SYCE1: variants seen among roughly 807,000 people sequenced by gnomAD.
The protein encoded by SYCE1 is cancer/testis antigen 76.
In SYCE1, 37 loss-of-function variants were observed where a neutral mutation model predicts 55.1. The observed-to-expected ratio is 0.67, with a 90% confidence interval of 0.52 to 0.88. The LOEUF (loss-of-function observed/expected upper bound fraction) is 0.88, where lower values mean the gene tolerates loss of function less well. Among genes scored for constraint, SYCE1 ranks in the 40% least tolerant of loss-of-function variants. The probability of loss-of-function intolerance (pLI) is 0.00; values close to 1 mark genes in which losing one functional copy is unlikely to be tolerated. For synonymous variants in SYCE1, 163 were observed against 159.4 expected (o/e 1.02, Z -0.17); for missense variants, 399 against 416.4 (o/e 0.96, Z 0.36).
upstream of SYCE1, among the ~76,000 whole-genome samples, chr10:133,565,749 C>T (rs985120686): frequency 6.6e-6 from 1 of 152,276 alleles, no homozygotes; most frequent in Non-Finnish European, 1.5e-5. Flanking sequence ...GCCAGGGCCA[C>T]GTGCGGCCGT....
Position 133,555,973 on chromosome 10 carries a change from G to A in SYCE1, c.595+8C>T. On this transcript the variant is annotated splice_region_variant and intron_variant, in intron 9 of 12. Coordinates refer to ENST00000343131, the MANE Select transcript of SYCE1 (RefSeq NM_001143764.3). ...CAGATATGGGCCATCCACCTTCCCTGGTCTCACCTTCCTTGAGCAGCTGCT... is the reference window on the plus strand; with the variant it reads ...CAGATATGGGCCATCCACCTTCCCTAGTCTCACCTTCCTTGAGCAGCTGCT... 9.3e-6 allele frequency: 15 copies of A among 1,614,120 alleles called. No homozygotes were observed. Among genetic ancestry groups the A allele is most frequent in the African/African-American group, 1.3e-5 (1 of 75,052 alleles).
At chr10:133,568,154 C>A (rs942444764), upstream of SYCE1, 22 of 877,034 alleles carry the variant, frequency 2.5e-5, no homozygotes, top group Non-Finnish European at 3.8e-5. Flanking sequence ...GAGGCACAGG[C>A]CGCCCGTGGG....
In SYCE1 at chr10:133,554,921, G is replaced by A; in HGVS notation, c.*71C>T. 1 of 1,472,336 alleles carries A rather than the reference G, an allele frequency of 6.8e-7. No homozygotes were observed. The highest frequency in any genetic ancestry group is 9.0e-7 in the Non-Finnish European group (1 of 1,111,432). 91.2% of individuals were successfully genotyped at this position (1,472,336 alleles called of 1,614,324 possible). The stretch of plus-strand genomic sequence containing the variant: ...GACCAAGAGGCAGAGTCAAGCCAAG[G>A]CTTCAATCAGTCACAGGAGACTGGG... On this transcript the variant is annotated 3_prime_UTR_variant, in exon 13 of 13. Coordinates refer to ENST00000343131, the MANE Select transcript of SYCE1 (RefSeq NM_001143764.3).
Position 133,558,904 on chromosome 10 carries a change from C to G in SYCE1, c.244G>C (p.Glu82Gln), listed in dbSNP as rs1180668961. 1 of 1,613,162 alleles carries G rather than the reference C, an allele frequency of 6.2e-7. No individual in the cohort carries two copies. The highest frequency in any genetic ancestry group is 1.1e-5 in the South Asian group (1 of 90,876). ...KDLGEARTIC[E>Q]ALQKELDSLH... Reference sequence around the variant, plus strand: ...GAGTCCAGTTCCTTCTGCAGGGCCTCACAGATGGTCCGGGCCTCTCCTAGG... The same window carrying G: ...GAGTCCAGTTCCTTCTGCAGGGCCTGACAGATGGTCCGGGCCTCTCCTAGG... The change falls in exon 4 of 13, where the codon GAG becomes CAG. Residue 82 changes from glutamate (E) to glutamine (Q), a missense_variant. Transcript: ENST00000343131.
upstream of SYCE1, among the ~76,000 whole-genome samples, chr10:133,567,278 G>A (rs537200692): frequency 9.9e-5 from 15 of 151,794 alleles, no homozygotes; most frequent in African/African-American, 3.4e-4. Context: ...TGGGGCTAGG[G>A]CTTAGGGTTA....
upstream of SYCE1, chr10:133,565,608 A>C: frequency 1.4e-6 from 2 of 1,430,766 alleles, no homozygotes; most frequent in Non-Finnish European, 1.9e-6. Flanking sequence ...TGGGGGCAGG[A>C]CTCCAGGCAG....
chr10:133,558,157 C>G lies in SYCE1; in HGVS notation c.319+10G>C, dbSNP rs116399728. 1 of 1,614,054 alleles carries G rather than the reference C, an allele frequency of 6.2e-7. No individual in the cohort carries two copies. The highest frequency in any genetic ancestry group is 8.5e-7 in the Non-Finnish European group (1 of 1,179,974). On this transcript the variant is annotated intron_variant, in intron 5 of 12. Transcript: ENST00000343131. ...AGGCACAAGCCTGGAGACAGGGGAG[C>G]GGCAAATACCTTGTTTTTTGCTCAA... is the stretch of plus-strand genomic sequence containing the variant.
intron 6 of SYCE1, 194 bp from the exon 7 acceptor site, chr10:133,557,350 A>C (rs754890437): frequency 5.0e-6 from 3 of 602,028 alleles, no homozygotes; most frequent in African/African-American, 1.8e-5. Flanking sequence ...AGAGAGATTA[A>C]TGTGGACATG....
At chr10:133,562,454 G>A (rs943113213) in intron 1 of SYCE1, among the ~76,000 whole-genome samples, 2 of 151,762 alleles carry the variant, frequency 1.3e-5, no homozygotes, top group African/African-American at 2.4e-5. Flanking sequence ...TCCCTTGAAC[G>A]CTCTGCTGCA....
chr10:133,555,920 C>A lies in SYCE1; in HGVS notation c.596-17G>T, dbSNP rs1851668969. 7 of 1,613,526 alleles carry A rather than the reference C, an allele frequency of 4.3e-6. No individual in the cohort carries two copies. The highest frequency in any genetic ancestry group is 5.9e-6 in the Non-Finnish European group (7 of 1,179,626). ...CCAGCTTCTCTGCAGCACAAAGGGG[C>A]AGGTGAGCACATGAAGGCACGTGAG... is the stretch of plus-strand genomic sequence containing the variant. On this transcript the variant is annotated splice_polypyrimidine_tract_variant and intron_variant, in intron 9 of 12. Coordinates refer to ENST00000343131, the MANE Select transcript of SYCE1 (RefSeq NM_001143764.3).
downstream of SYCE1, chr10:133,554,808 G>A: frequency 6.8e-7 from 1 of 1,462,240 alleles, no homozygotes; most frequent in Non-Finnish European, 9.0e-7. Flanking sequence ...GGACCCAGAA[G>A]AAGCTGGCAG....
chr10:133,567,018 C>T (rs114295786), upstream of SYCE1, among the ~76,000 whole-genome samples: 461 of 150,520 alleles, frequency 3.1e-3, 1 homozygote, highest in African/African-American at 0.01. Context: ...GGTTACGGTT[C>T]GGGCTAGGGT....
chr10:133,558,634 G>A (rs1433360414), intron 4 of SYCE1: 3 of 552,946 alleles, frequency 5.4e-6, no homozygotes, highest in East Asian at 3.1e-5. Context: ...GAGGAAAGAG[G>A]AACCTGTATT....
chr10:133,563,550 C>A (rs1851861561), intron 1 of SYCE1, among the ~76,000 whole-genome samples: 1 of 152,064 alleles, frequency 6.6e-6, no homozygotes. Context: ...ATTATCTGGG[C>A]ATGGTGACAT....
chr10:133,562,162 G>T (rs181852286), intron 1 of SYCE1, among the ~76,000 whole-genome samples: 43 of 152,078 alleles, frequency 2.8e-4, no homozygotes. Context: ...TGAAATAGCA[G>T]ATATTTGTCC....
In SYCE1 at chr10:133,565,525, G is replaced by A. The variant is rs868710053; in HGVS notation, c.5C>T (p.Ala2Val). 9 of 1,549,548 alleles carry A rather than the reference G, an allele frequency of 5.8e-6. No individual in the cohort carries two copies. Among genetic ancestry groups the A allele is most frequent in the Middle Eastern group, 1.7e-4 (1 of 6,010 alleles). The change falls in exon 1 of 13, where the codon GCG becomes GTG. Residue 2 changes from alanine to valine, a missense_variant. Transcript: ENST00000343131. ...GGCCTTCGATGTCAGGGACCTCCCCGCCATTTCCTCTCAGCTCGCCAGCGA... is the reference window on the plus strand; with the variant it reads ...GGCCTTCGATGTCAGGGACCTCCCCACCATTTCCTCTCAGCTCGCCAGCGA... M[A>V]GRSLTSKAEP...
At chr10:133,554,640 T>G (rs770490676), downstream of SYCE1, 1 of 726,470 alleles carries the variant, frequency 1.4e-6, no homozygotes, top group Admixed American at 1.8e-5. Context: ...TCCTCATTTT[T>G]AATTTTTTTT....
At chr10:133,559,566 C>A in intron 2 of SYCE1, 1 of 571,224 alleles carries the variant, frequency 1.8e-6, no homozygotes, top group Non-Finnish European at 3.2e-6. Flanking sequence ...CTGCGGTAAC[C>A]GTGTTCAAGA....
In SYCE1 at chr10:133,559,303, T is replaced by C; in HGVS notation, c.194A>G (p.Gln65Arg). ...GCAGCCAAGGCCCCTGAACTCACCT[T>C]GCTGGACCTCATTAATCCGGTTAAT... ...VLINRINEVQ[Q>R]AKKKANKDLG... is the part of the protein sequence containing the mutation. The change falls in exon 3 of 13, where the codon CAA becomes CGA. Residue 65 changes from glutamine (Q) to arginine (R), a missense_variant and splice_region_variant. By Grantham distance (43) the Gln-to-Arg change is conservative. Coordinates refer to ENST00000343131, the MANE Select transcript of SYCE1 (RefSeq NM_001143764.3). 1 of 1,614,194 alleles carries C rather than the reference T, an allele frequency of 6.2e-7. No homozygotes were observed. Among genetic ancestry groups the C allele is most frequent in the Non-Finnish European group, 8.5e-7 (1 of 1,180,020 alleles).
Sources: gnomAD v4.1 joint callset for allele counts (sites outside exome capture counted in the v4.1 genomes callset) on GRCh38, gnomAD v4.1.1 for gene constraint, MANE v1.5 for transcripts, NCBI Gene and HGNC (gene_info 2026-07-23, HGNC 2026-07-21) for gene names.